KIF13A: variants seen among roughly 807,000 people sequenced by gnomAD.
The protein encoded by KIF13A is kinesin-like protein KIF13A.
A neutral mutation model predicts 212.2 loss-of-function variants in KIF13A; 79 were observed. That is an observed-to-expected ratio of 0.37 (90% CI 0.31 to 0.45). The LOEUF (loss-of-function observed/expected upper bound fraction) is 0.45. Ranked by LOEUF, KIF13A falls within the 20% of genes least tolerant of loss-of-function variation. The probability of loss-of-function intolerance (pLI) is 1.00; values close to 1 mark genes in which losing one functional copy is unlikely to be tolerated. For synonymous variants in KIF13A, 789 were observed against 808.6 expected, an observed-to-expected ratio of 0.98 and a Z score of 0.41; for missense variants, 1,901 against 2,209.0, an observed-to-expected ratio of 0.86 and a Z score of 2.79.
At position 17,771,058 on chromosome 6, in the gene KIF13A, G is replaced by A; in HGVS notation, c.4581+56C>T. On this transcript the variant is annotated intron_variant, in intron 38 of 38. Transcript: ENST00000259711. The surrounding 1 kb of genome is among the most constrained non-coding windows in gnomAD (Gnocchi z 5.4). ...TTCTAGCATTTGGATGATTGTCTGTGAAAGGGCCTTAAACCCACCACCAGG... is the reference window on the plus strand; with the variant it reads ...TTCTAGCATTTGGATGATTGTCTGTAAAAGGGCCTTAAACCCACCACCAGG... 3.6e-6 allele frequency: 4 copies of A among 1,120,998 alleles called. No individual in the cohort carries two copies. The highest frequency in any genetic ancestry group is 5.3e-6 in the Non-Finnish European group (4 of 750,952). The allele number at this position is 1,120,998 out of a possible 1,614,324, so 69.4% of individuals were successfully genotyped here. A position where few individuals can be genotyped will look rare whatever the true frequency, so the allele number is the denominator to read the frequency against.
intron 2 of KIF13A, among the ~76,000 whole-genome samples, chr6:17,920,177 G>A (rs925607703): frequency 1.3e-5 from 2 of 152,068 alleles, no homozygotes; most frequent in Admixed American, 6.6e-5. Flanking sequence ...ACTCCAATGA[G>A]GCACGAAATG....
chr6:17,789,780 C>G lies in KIF13A; in HGVS notation c.3261+92G>C. On this transcript the variant is annotated intron_variant, in intron 26 of 38. Transcript: ENST00000259711. The surrounding 1 kb of genome is among the most constrained non-coding windows in gnomAD (Gnocchi z 4.8). Reference sequence around the variant, plus strand: ...AAACTGCATATTCTCGCTCTAGGGCCCTCCTTCCTCCTCCCTGGCCTCTGC... The same window carrying G: ...AAACTGCATATTCTCGCTCTAGGGCGCTCCTTCCTCCTCCCTGGCCTCTGC... 2.0e-6 allele frequency: 2 copies of G among 982,462 alleles called. No homozygotes were observed. The highest frequency in any genetic ancestry group is 3.1e-6 in the Non-Finnish European group (2 of 635,892). The allele number at this position is 982,462 out of a possible 1,614,324, so 60.9% of individuals were successfully genotyped here.
rs951955290 is a variant in KIF13A at position 17,951,802 on chromosome 6, A to T, written c.146+35252T>A. Among the ~76,000 whole-genome samples, 12 of 152,180 alleles carry T rather than the reference A, an allele frequency of 7.9e-5. No individual in the cohort carries two copies. The highest frequency in any genetic ancestry group is 2.9e-4 in the African/African-American group (12 of 41,446). On this transcript the variant is annotated intron_variant, in intron 2 of 38. Transcript: ENST00000259711. The surrounding 1 kb of genome is among the most constrained non-coding windows in gnomAD (Gnocchi z 4.9). ...TTATATATGGCATGTCACCACTTTA[A>T]TCCATTTTATAAATTCCACTGTATG... is the stretch of plus-strand genomic sequence containing the variant.
At chr6:17,904,156 C>CA (rs1006454050) in intron 2 of KIF13A, among the ~76,000 whole-genome samples, 7 of 149,208 alleles carry the variant, frequency 4.7e-5, no homozygotes, top group East Asian at 4.0e-4. Flanking sequence ...GACTCTGTCT[C>CA]AAAAAAAATA....
rs1763423749 is a variant in KIF13A, at chr6:17,811,556, C to T, written c.2001-2626G>A. Among the ~76,000 whole-genome samples the T allele has an allele frequency of 2.6e-5, 4 of 152,200 alleles. No individual in the cohort carries two copies. In the South Asian group the frequency reaches 8.3e-4, roughly 31 times the overall value. Reference sequence around the variant, plus strand: ...CAAAGAGAATAAACGACATCTGTGGCTTTCTTTGTAATTCTCACCAGCGTT... The same window carrying T: ...CAAAGAGAATAAACGACATCTGTGGTTTTCTTTGTAATTCTCACCAGCGTT... On this transcript the variant is annotated intron_variant, in intron 17 of 38. Coordinates refer to ENST00000259711, the MANE Select transcript of KIF13A (RefSeq NM_022113.6). This position sits in a 1 kb window ranked among gnomAD's most constrained non-coding sequence, Gnocchi z 6.0.
At chr6:17,857,025 C>G (rs939749948) in intron 4 of KIF13A, among the ~76,000 whole-genome samples, 1 of 152,126 alleles carries the variant, frequency 6.6e-6, no homozygotes, top group Non-Finnish European at 1.5e-5. Context: ...GTACAAAATG[C>G]TTAATAAATG....
At chr6:17,975,856 T>C (rs574340357) in intron 2 of KIF13A, among the ~76,000 whole-genome samples, 21 of 152,286 alleles carry the variant, frequency 1.4e-4, no homozygotes, top group Admixed American at 4.6e-4. Context: ...AGGGTGCTAA[T>C]TGGTGTTTAC....
At chr6:17,943,811 T>C (rs1254842542) in intron 2 of KIF13A, among the ~76,000 whole-genome samples, 1 of 152,158 alleles carries the variant, frequency 6.6e-6, no homozygotes, top group Non-Finnish European at 1.5e-5. Flanking sequence ...GCAACTGGGA[T>C]GTCCATGGTC....
In KIF13A at chr6:17,794,947, T is replaced by C. The variant is rs1403796608; in HGVS notation, c.2943-243A>G. The C allele has an allele frequency of 1.1e-5, 5 of 451,312 alleles. No homozygotes were observed. The highest frequency in any genetic ancestry group is 8.0e-5 in the African/African-American group (4 of 50,134). 28.0% of individuals were successfully genotyped at this position (451,312 alleles called of 1,614,324 possible). On this transcript the variant is annotated intron_variant, in intron 23 of 38. Coordinates refer to ENST00000259711, the MANE Select transcript of KIF13A (RefSeq NM_022113.6). This position sits in a 1 kb window ranked among gnomAD's most constrained non-coding sequence, Gnocchi z 4.1. ...ATAGAGCTCGATGAGTTTTGAGAAA[T>C]GCACATATGAGTGTAACCTGCCCTA...
At chr6:17,808,548 C>A (rs1763174352) in intron 18 of KIF13A, among the ~76,000 whole-genome samples, 1 of 152,118 alleles carries the variant, frequency 6.6e-6, no homozygotes, top group Admixed American at 6.6e-5. Flanking sequence ...AGTCCTTCAG[C>A]CACTAAAATT....
intron 2 of KIF13A, among the ~76,000 whole-genome samples, chr6:17,943,775 C>A (rs986639126): frequency 6.6e-6 from 1 of 152,080 alleles, no homozygotes; most frequent in African/African-American, 2.4e-5. Context: ...TACAACTCAA[C>A]GGGGAGGCGT....
intron 11 of KIF13A, among the ~76,000 whole-genome samples, chr6:17,835,142 TGCCACTGCACTCCAGCCCGG>T (rs1365498928): frequency 7.7e-6 from 1 of 130,598 alleles, no homozygotes; most frequent in Non-Finnish European, 1.5e-5. Context: ...GCCAAGATGG[TGCCACTGCACTCCAGCCCGG>T]GCAACAGAGA....
Position 17,825,714 on chromosome 6 carries a change from T to C in KIF13A, c.1786+54A>G, listed in dbSNP as rs796713609. ...TGATGCATGCTTATCCCTCACTGAA[T>C]GGTGTGAGGTGAGGAAATGCCCAAG... On this transcript the variant is annotated intron_variant, in intron 16 of 38. Coordinates refer to ENST00000259711, the MANE Select transcript of KIF13A (RefSeq NM_022113.6). The surrounding 1 kb of genome is among the most constrained non-coding windows in gnomAD (Gnocchi z 4.5). 2.7e-6 allele frequency: 4 copies of C among 1,497,238 alleles called. No homozygotes were observed. Among genetic ancestry groups the C allele is most frequent in the Non-Finnish European group, 3.6e-6 (4 of 1,096,788 alleles). 92.7% of individuals were successfully genotyped at this position (1,497,238 alleles called of 1,614,324 possible). A position where few individuals can be genotyped will look rare whatever the true frequency, so the allele number is the denominator to read the frequency against.
At chr6:17,972,390 A>G (rs1779880236) in intron 2 of KIF13A, among the ~76,000 whole-genome samples, 1 of 152,248 alleles carries the variant, frequency 6.6e-6, no homozygotes, top group African/African-American at 2.4e-5. Flanking sequence ...TTTCATTTAA[A>G]AACCTTACAA....
At chr6:17,893,700 G>A (rs886996324) in intron 3 of KIF13A, among the ~76,000 whole-genome samples, 1 of 152,058 alleles carries the variant, frequency 6.6e-6, no homozygotes, top group African/African-American at 2.4e-5. Context: ...CTATTACATA[G>A]GATGTCAGAT....
chr6:17,808,054 T>A (rs531990110), intron 18 of KIF13A, among the ~76,000 whole-genome samples: 4 of 152,308 alleles, frequency 2.6e-5, no homozygotes, highest in Non-Finnish European at 5.9e-5. Flanking sequence ...TCAGGTATCA[T>A]GAAAAGTCTT....
rs1037224908 is a variant in KIF13A at position 17,914,428 on chromosome 6, G to A, written c.147-16248C>T. On this transcript the variant is annotated intron_variant, in intron 2 of 38. Coordinates refer to ENST00000259711, the MANE Select transcript of KIF13A (RefSeq NM_022113.6). This position sits in a 1 kb window ranked among gnomAD's most constrained non-coding sequence, Gnocchi z 5.9. ...AATACAAAACTTGAGATGAATATGA[G>A]TACATCCACAATAACTATTAATTTA... is the stretch of plus-strand genomic sequence containing the variant. Among the ~76,000 whole-genome samples, 2 of 152,030 alleles carry A rather than the reference G, an allele frequency of 1.3e-5. No individual in the cohort carries two copies. Among genetic ancestry groups the A allele is most frequent in the Non-Finnish European group, 2.9e-5 (2 of 68,006 alleles).
At chr6:17,927,420 C>T (rs141016959) in intron 2 of KIF13A, among the ~76,000 whole-genome samples, 1 of 152,086 alleles carries the variant, frequency 6.6e-6, no homozygotes, top group Non-Finnish European at 1.5e-5. Flanking sequence ...AGGATAAACA[C>T]TGTATGATTC....
chr6:17,836,908 C>G lies in KIF13A; in HGVS notation c.1125G>C (p.Glu375Asp). Residue 375 changes from glutamate to aspartate, a missense_variant, in exon 11 of 39, where the codon GAG becomes GAC. Transcript: ENST00000259711. ...CCTGAGAGAGCTGCTCTCTCAGTTTCTCGACTTCCTCCCGCAGTTCTCGGA... is the reference window on the plus strand; with the variant it reads ...CCTGAGAGAGCTGCTCTCTCAGTTTGTCGACTTCCTCCCGCAGTTCTCGGA... ...KVIRELREEV[E>D]KLREQLSQAE... 6.2e-7 allele frequency: 1 copy of G among 1,613,902 alleles called. No homozygotes were observed. The highest frequency in any genetic ancestry group is 8.5e-7 in the Non-Finnish European group (1 of 1,179,850).
Sources: gnomAD v4.1 joint callset for allele counts (sites outside exome capture counted in the v4.1 genomes callset) on GRCh38, gnomAD v4.1.1 for gene constraint, Gnocchi (gnomAD v3.1) non-coding constraint, MANE v1.5 for transcripts, NCBI Gene and HGNC (gene_info 2026-07-23, HGNC 2026-07-21) for gene names.